Variants in ARB2A observed in about 807,000 individuals in gnomAD.
ARB2A encodes the protein cotranscriptional regulator ARB2A.
the ARB2A span, among the ~76,000 whole-genome samples, chr5:93,631,130 C>A: frequency 6.6e-6 from 1 of 151,968 alleles, no homozygotes; most frequent in African/African-American, 2.4e-5. Flanking sequence ...GGCGATCCAC[C>A]CACCTCAACC....
the ARB2A span, among the ~76,000 whole-genome samples, chr5:93,947,525 T>G: frequency 1.3e-4 from 19 of 151,794 alleles, no homozygotes; most frequent in Admixed American, 2.0e-4. Flanking sequence ...TTATTATTAT[T>G]ATTATTATAC....
chr5:93,800,578 C>T, the ARB2A span, among the ~76,000 whole-genome samples: 1 of 151,716 alleles, frequency 6.6e-6, no homozygotes, highest in Admixed American at 6.6e-5. Context: ...GGGGACAAGA[C>T]GGGAGAGGAG....
At chr5:93,695,766 C>G in the ARB2A span, among the ~76,000 whole-genome samples, 1 of 152,102 alleles carries the variant, frequency 6.6e-6, no homozygotes, top group Non-Finnish European at 1.5e-5. Flanking sequence ...TTCACAATAG[C>G]AAAGACCTGG....
At chr5:93,649,936 A>G in the ARB2A span, among the ~76,000 whole-genome samples, 5 of 152,164 alleles carry the variant, frequency 3.3e-5, no homozygotes, top group Non-Finnish European at 5.9e-5. Flanking sequence ...ACTAGAACAA[A>G]AACCAACACT....
the ARB2A span, among the ~76,000 whole-genome samples, chr5:94,077,881 T>C: frequency 1.3e-5 from 2 of 152,238 alleles, no homozygotes; most frequent in Non-Finnish European, 2.9e-5. Context: ...TTTTATTCTG[T>C]GAACTACACA....
chr5:93,661,845 G>A, the ARB2A span, among the ~76,000 whole-genome samples: 3 of 152,080 alleles, frequency 2.0e-5, no homozygotes, highest in African/African-American at 7.2e-5. Flanking sequence ...GATTGTGGCT[G>A]AAAAGTCAGG....
At chr5:94,073,149 G>A in the ARB2A span, among the ~76,000 whole-genome samples, 1 of 152,040 alleles carries the variant, frequency 6.6e-6, no homozygotes, top group South Asian at 2.1e-4. Flanking sequence ...GCTCGGTTTT[G>A]AATAAACTCA....
At chr5:93,854,904 T>C in the ARB2A span, among the ~76,000 whole-genome samples, 10 of 152,182 alleles carry the variant, frequency 6.6e-5, no homozygotes, top group Admixed American at 6.5e-4. Context: ...GGAATAGGCA[T>C]GCTGCAGTGC....
At chr5:93,742,181 A>C in the ARB2A span, among the ~76,000 whole-genome samples, 1 of 150,148 alleles carries the variant, frequency 6.7e-6, no homozygotes, top group Non-Finnish European at 1.5e-5. Flanking sequence ...GCCAGATTCC[A>C]CTCCCTCCCT....
the ARB2A span, among the ~76,000 whole-genome samples, chr5:93,970,820 G>A: frequency 2.0e-5 from 3 of 152,132 alleles, no homozygotes; most frequent in African/African-American, 7.2e-5. Flanking sequence ...TTTTACATAA[G>A]CATCTTCTTT....
At chr5:93,931,756 C>T in the ARB2A span, among the ~76,000 whole-genome samples, 1 of 151,922 alleles carries the variant, frequency 6.6e-6, no homozygotes, top group Non-Finnish European at 1.5e-5. Context: ...AAAAATACTA[C>T]CAGAACCTGA....
At chr5:94,110,718 T>A in the ARB2A span, among the ~76,000 whole-genome samples, 2 of 152,258 alleles carry the variant, frequency 1.3e-5, no homozygotes, top group African/African-American at 4.8e-5. Flanking sequence ...ATGCAAACGA[T>A]GTCATGTACT....
the ARB2A span, among the ~76,000 whole-genome samples, chr5:94,073,396 C>A: frequency 1.3e-5 from 2 of 152,018 alleles, no homozygotes; most frequent in Admixed American, 1.3e-4. Context: ...GAGTTTGAAT[C>A]CAGATAGTTA....
At chr5:94,074,954 G>C in the ARB2A span, among the ~76,000 whole-genome samples, 1 of 151,926 alleles carries the variant, frequency 6.6e-6, no homozygotes, top group Non-Finnish European at 1.5e-5. Flanking sequence ...ATCTGAGTCA[G>C]CTAATGGCAT....
At chr5:93,649,232 A>T in the ARB2A span, among the ~76,000 whole-genome samples, 1 of 152,168 alleles carries the variant, frequency 6.6e-6, no homozygotes, top group African/African-American at 2.4e-5. Flanking sequence ...CACTATACTG[A>T]GGGTTCTTAT....
At chr5:94,034,927 C>T in the ARB2A span, among the ~76,000 whole-genome samples, 1 of 152,136 alleles carries the variant, frequency 6.6e-6, no homozygotes, top group East Asian at 1.9e-4. Flanking sequence ...GTGAACTGTA[C>T]ACGCAAGGGA....
At chr5:93,918,257 A>G in the ARB2A span, among the ~76,000 whole-genome samples, 1 of 152,140 alleles carries the variant, frequency 6.6e-6, no homozygotes, top group Non-Finnish European at 1.5e-5. Flanking sequence ...CCAACAAAAA[A>G]TATTACAATT....
chr5:93,840,181 A>G, the ARB2A span, among the ~76,000 whole-genome samples: 122,905 of 152,080 alleles, frequency 0.81, 50,146 homozygotes, highest in East Asian at 0.95. Flanking sequence ...GCGGTGTCCC[A>G]GAAATTCAGG....
the ARB2A span, among the ~76,000 whole-genome samples, chr5:93,849,310 T>G: frequency 6.6e-6 from 1 of 152,178 alleles, no homozygotes; most frequent in African/African-American, 2.4e-5. Context: ...TAAAACAAAA[T>G]TATTCCTAAC....
Sources: allele counts gnomAD v4.1 joint callset (sites outside exome capture counted in the v4.1 genomes callset), GRCh38; gene constraint gnomAD v4.1.1; transcripts MANE v1.5; gene names NCBI Gene and HGNC (gene_info 2026-07-23, HGNC 2026-07-21).